The following KIRREL3 variants were observed in gnomAD, a reference collection of about 807,000 sequenced individuals.
The protein encoded by KIRREL3 is kirre like nephrin family adhesion molecule 3.
Under a neutral mutation model 89.7 loss-of-function variants are expected in KIRREL3, and 36 were observed. That is an observed-to-expected ratio of 0.40 (90% CI 0.31 to 0.53). The LOEUF (loss-of-function observed/expected upper bound fraction) is 0.53. KIRREL3 is among the 20% of genes least tolerant of loss of function. The pLI is 0.49. For synonymous variants in KIRREL3, 445 were observed against 441.4 expected (o/e 1.01, Z -0.10); for missense variants, 864 against 1,056.6 (o/e 0.82, Z 2.53).
Position 126,705,340 on chromosome 11 carries a change from G to C in KIRREL3, c.56-142428C>G, listed in dbSNP as rs1457221218. Among the ~76,000 whole-genome samples, 2 of 152,196 alleles carry C rather than the reference G, an allele frequency of 1.3e-5. No individual in the cohort carries two copies. Among genetic ancestry groups the C allele is most frequent in the African/African-American group, 4.8e-5 (2 of 41,452 alleles). On this transcript the variant is annotated intron_variant, in intron 1 of 16. Coordinates refer to ENST00000525144, the MANE Select transcript of KIRREL3 (RefSeq NM_032531.4). This position sits in a 1 kb window ranked among gnomAD's most constrained non-coding sequence, Gnocchi z 4.3. ...TGGGTCATGAGGTCGGATTCCTCAG[G>C]AATGGTTTGGCACTAACCTCTTGGT... is the stretch of plus-strand genomic sequence containing the variant.
intron 1 of KIRREL3, among the ~76,000 whole-genome samples, chr11:126,966,612 C>T (rs143300757): frequency 3.9e-4 from 59 of 152,290 alleles, no homozygotes; most frequent in African/African-American, 1.3e-3. Context: ...AGGAGCATCT[C>T]AGTGACTCTT....
rs970607637 is a variant in KIRREL3 at position 126,999,472 on chromosome 11, G to A, written c.55+983C>T. Among the ~76,000 whole-genome samples, 20 of 152,312 alleles carry A rather than the reference G, an allele frequency of 1.3e-4. No individual in the cohort carries two copies. Among genetic ancestry groups the A allele is most frequent in the African/African-American group, 4.3e-4 (18 of 41,564 alleles). ...CCCTTCATTTAATCAACAGATGGAC[G>A]TGCTCTGTTGTGGATTTTTTCTGAG... is the stretch of plus-strand genomic sequence containing the variant. On this transcript the variant is annotated intron_variant, in intron 1 of 16. Coordinates refer to ENST00000525144, the MANE Select transcript of KIRREL3 (RefSeq NM_032531.4). The surrounding 1 kb of genome is among the most constrained non-coding windows in gnomAD (Gnocchi z 5.7).
Position 126,959,942 on chromosome 11 carries a change from C to T in KIRREL3, c.55+40513G>A, listed in dbSNP as rs573117360. On this transcript the variant is annotated intron_variant, in intron 1 of 16. Coordinates refer to ENST00000525144, the MANE Select transcript of KIRREL3 (RefSeq NM_032531.4). ...GCACATGTTTGTATAAGCCTTTCTACGCTGGATTCTGTACTCCTTCTGGGT... is the reference window on the plus strand; with the variant it reads ...GCACATGTTTGTATAAGCCTTTCTATGCTGGATTCTGTACTCCTTCTGGGT... Among the ~76,000 whole-genome samples, 17 of 152,284 alleles carry T rather than the reference C, an allele frequency of 1.1e-4. No individual in the cohort carries two copies. In the South Asian group the frequency reaches 2.9e-3, roughly 26 times the overall value.
At chr11:126,816,035 C>A (rs1951562125) in intron 1 of KIRREL3, among the ~76,000 whole-genome samples, 1 of 152,168 alleles carries the variant, frequency 6.6e-6, no homozygotes. Flanking sequence ...AATAAATAAC[C>A]TCTTTCCTTG....
In KIRREL3 at chr11:126,615,014, C is replaced by T. The variant is rs959639440; in HGVS notation, c.56-52102G>A. On this transcript the variant is annotated intron_variant, in intron 1 of 16. Coordinates refer to ENST00000525144, the MANE Select transcript of KIRREL3 (RefSeq NM_032531.4). The surrounding 1 kb of genome is among the most constrained non-coding windows in gnomAD (Gnocchi z 5.4). ...GGGACTTGGGGAGAGGCGTGATTTG[C>T]GGTCTTCAAGAGGCTGAAAGGCTGT... 3.9e-5 allele frequency among the ~76,000 whole-genome samples: 6 copies of T among 151,940 alleles called. No homozygotes were observed. Among genetic ancestry groups the T allele is most frequent in the Non-Finnish European group, 5.9e-5 (4 of 67,980 alleles).
chr11:126,436,975 C>A lies in KIRREL3; in HGVS notation c.1388G>T (p.Gly463Val). ...CTCCACCGTATAGCGCCCCGATGTGCCCGACTCCAGAACGTTCTCCTTCCA... is the reference window on the plus strand; with the variant it reads ...CTCCACCGTATAGCGCCCCGATGTGACCGACTCCAGAACGTTCTCCTTCCA... ...WSWKENVLESGTSGRYTVETI... is the reference protein window; with the variant it reads ...WSWKENVLESVTSGRYTVETI... The change falls in exon 12 of 17, where the codon GGC becomes GTC. Residue 463 changes from glycine (G) to valine (V), a missense_variant. Coordinates refer to ENST00000525144, the MANE Select transcript of KIRREL3 (RefSeq NM_032531.4). 1 of 1,577,056 alleles carries A rather than the reference C, an allele frequency of 6.3e-7. No homozygotes were observed. The highest frequency in any genetic ancestry group is 8.6e-7 in the Non-Finnish European group (1 of 1,156,578).
intron 1 of KIRREL3, among the ~76,000 whole-genome samples, chr11:126,923,129 C>CTCTTCTTCTTCTTCTTCTTCTTCTTCT (rs1187627189): frequency 1.9e-4 from 5 of 25,740 alleles, no homozygotes; most frequent in Admixed American, 8.1e-4. Context: ...TCTCCTTCTT[C>CTCTTCTTCTTCTTCTTCTTCTTCTTCT]TCTTCTTCTT....
chr11:126,913,508 C>T (rs1946908802), intron 1 of KIRREL3, among the ~76,000 whole-genome samples: 1 of 152,218 alleles, frequency 6.6e-6, no homozygotes, highest in Non-Finnish European at 1.5e-5. Flanking sequence ...GCCCAGCTTG[C>T]AGCTGGCAGC....
intron 1 of KIRREL3, among the ~76,000 whole-genome samples, chr11:126,923,176 C>CTTCTTCTTCT (rs766266024): frequency 0.013 from 227 of 18,008 alleles, 60 homozygotes; most frequent in Middle Eastern, 0.045. Context: ...TCTTCTTCTT[C>CTTCTTCTTCT]TCTTCTTCTT....
In KIRREL3 at chr11:126,752,112, G is replaced by T. The variant is rs1039286134; in HGVS notation, c.56-189200C>A. Among the ~76,000 whole-genome samples, 8 of 152,148 alleles carry T rather than the reference G, an allele frequency of 5.3e-5. No homozygotes were observed. Among genetic ancestry groups the T allele is most frequent in the African/African-American group, 1.9e-4 (8 of 41,428 alleles). Reference sequence around the variant, plus strand: ...CTCCTTGTGTGTCAGCTTTTTCTTTGCAAAATAGGAACAATGATGATACCT... The same window carrying T: ...CTCCTTGTGTGTCAGCTTTTTCTTTTCAAAATAGGAACAATGATGATACCT... On this transcript the variant is annotated intron_variant, in intron 1 of 16. Coordinates refer to ENST00000525144, the MANE Select transcript of KIRREL3 (RefSeq NM_032531.4). The surrounding 1 kb of genome is among the most constrained non-coding windows in gnomAD (Gnocchi z 4.8).
chr11:126,838,466 A>G (rs1943851214), intron 1 of KIRREL3, among the ~76,000 whole-genome samples: 1 of 152,212 alleles, frequency 6.6e-6, no homozygotes, highest in African/African-American at 2.4e-5. Context: ...AAATTTTGCC[A>G]ACTCTGGAGA....
Position 126,451,539 on chromosome 11 carries a change from AGTGTGCAT to A in KIRREL3, c.849-2390_849-2383del, listed in dbSNP as rs560497423. On this transcript the variant is annotated intron_variant, in intron 7 of 16. Transcript: ENST00000525144. ...ATTTGTGAGTGGGTGCATGTGTGAGAGTGTGCATGTGTGCATGTGTGTGATCATGTGCA... is the reference window on the plus strand; with the variant it reads ...ATTTGTGAGTGGGTGCATGTGTGAGAGTGTGCATGTGTGTGATCATGTGCA... 5.4e-4 allele frequency among the ~76,000 whole-genome samples: 45 copies of A among 82,748 alleles called. 1 individual carries two copies. The highest frequency in any genetic ancestry group is 3.4e-3 in the Admixed American group (29 of 8,432). 54.3% of individuals were successfully genotyped at this position (82,748 alleles called of 152,430 possible).
chr11:126,597,627 G>A (rs373516879), intron 1 of KIRREL3, among the ~76,000 whole-genome samples: 1 of 152,112 alleles, frequency 6.6e-6, no homozygotes, highest in African/African-American at 2.4e-5. Flanking sequence ...GGTCTCAAAG[G>A]GCAAGTGGTC....
Position 126,523,525 on chromosome 11 carries a change from C to T in KIRREL3, c.284-2061G>A, listed in dbSNP as rs556432375. On this transcript the variant is annotated intron_variant, in intron 3 of 16. Transcript: ENST00000525144. The surrounding 1 kb of genome is among the most constrained non-coding windows in gnomAD (Gnocchi z 4.9). ...TCATGCAATAAAATGGCCCTGTCCTCCCCAGCTGTGCAGGCCTGGCCAGAA... is the reference window on the plus strand; with the variant it reads ...TCATGCAATAAAATGGCCCTGTCCTTCCCAGCTGTGCAGGCCTGGCCAGAA... Among the ~76,000 whole-genome samples, 3 of 152,266 alleles carry T rather than the reference C, an allele frequency of 2.0e-5. No individual in the cohort carries two copies. The highest frequency in any genetic ancestry group is 1.9e-4 in the East Asian group (1 of 5,170).
Position 126,995,324 on chromosome 11 carries a change from G to A in KIRREL3, c.55+5131C>T, listed in dbSNP as rs1197408193. ...TCACTGTGGTGGGGGGAGTTGAAGT[G>A]TGCATTCCAGCATGCTCATGATCTT... On this transcript the variant is annotated intron_variant, in intron 1 of 16. Transcript: ENST00000525144. This position sits in a 1 kb window ranked among gnomAD's most constrained non-coding sequence, Gnocchi z 6.5. 8.8e-6 allele frequency: 4 copies of A among 456,090 alleles called. No individual in the cohort carries two copies. The highest frequency in any genetic ancestry group is 1.8e-5 in the Non-Finnish European group (4 of 226,962). 28.3% of individuals were successfully genotyped at this position (456,090 alleles called of 1,614,324 possible).
Position 126,676,629 on chromosome 11 carries a change from C to T in KIRREL3, c.56-113717G>A, listed in dbSNP as rs373690862. Among the ~76,000 whole-genome samples the T allele has an allele frequency of 1.2e-3, 182 of 152,238 alleles. 4 individuals are homozygous for T. In the South Asian group the frequency reaches 0.028, roughly 23 times the overall value. ...AGTTCTCAAGTTCAGGAAACTCAGA[C>T]GTGGTCCTGGACTCTCCTTGCCTGG... On this transcript the variant is annotated intron_variant, in intron 1 of 16. Coordinates refer to ENST00000525144, the MANE Select transcript of KIRREL3 (RefSeq NM_032531.4). This position sits in a 1 kb window ranked among gnomAD's most constrained non-coding sequence, Gnocchi z 4.5.
At chr11:126,699,580 TTATTTGTTAGC>T (rs1947234727) in intron 1 of KIRREL3, among the ~76,000 whole-genome samples, 1 of 152,200 alleles carries the variant, frequency 6.6e-6, no homozygotes. Context: ...AATTATAAAA[TTATTTGTTAGC>T]TATTTTACCT....
At chr11:126,741,204 T>C (rs139552142) in intron 1 of KIRREL3, among the ~76,000 whole-genome samples, 38 of 152,288 alleles carry the variant, frequency 2.5e-4, no homozygotes, top group African/African-American at 8.9e-4. Flanking sequence ...TTTCCACTTT[T>C]CCCACTCCCT....
intron 1 of KIRREL3, among the ~76,000 whole-genome samples, chr11:126,732,214 C>T (rs918095492): frequency 5.3e-5 from 8 of 152,078 alleles, no homozygotes; most frequent in Non-Finnish European, 1.0e-4. Flanking sequence ...ATGGCTAGAG[C>T]GATAGAGTAA....
Sources: allele counts gnomAD v4.1 joint callset (sites outside exome capture counted in the v4.1 genomes callset), GRCh38; gene constraint gnomAD v4.1.1; non-coding constraint Gnocchi (gnomAD v3.1); transcripts MANE v1.5; gene names NCBI Gene and HGNC (gene_info 2026-07-23, HGNC 2026-07-21).